The following SRRM3 variants were observed in gnomAD, a reference collection of about 807,000 sequenced individuals.
The protein encoded by SRRM3 is serine/arginine repetitive matrix 3.
A neutral mutation model predicts 66.2 loss-of-function variants in SRRM3; 27 were observed. The observed-to-expected ratio is 0.41, with a 90% confidence interval of 0.30 to 0.56. The LOEUF is 0.56. Ranked by LOEUF, SRRM3 falls within the 20% of genes least tolerant of loss-of-function variation. The pLI is 0.32. For synonymous variants in SRRM3, 391 were observed against 414.9 expected, an observed-to-expected ratio of 0.94 and a Z score of 0.70; for missense variants, 918 against 991.9, an observed-to-expected ratio of 0.93 and a Z score of 1.00.
chr7:76,282,802 C>T lies in SRRM3; in HGVS notation c.1525C>T (p.Arg509Cys), dbSNP rs1406940694. The change falls in exon 13 of 15, where the codon CGC (arginine) becomes TGC (cysteine). Residue 509 changes from arginine (R) to cysteine (C), a missense_variant. Physicochemically the swap from Arg to Cys is radical, Grantham distance 180 (BLOSUM62 -3). Coordinates refer to ENST00000611745, the MANE Select transcript of SRRM3 (RefSeq NM_001110199.3). The stretch of plus-strand genomic sequence containing the variant: ...CTCCAGCCGCTCGCCCTCCAAATCT[C>T]GCTCGCGCTCTGCGGAGAAGCGGCC... ...WSSSRSPSKS[R>C]SRSAEKRPHS... 2.0e-6 allele frequency: 3 copies of T among 1,465,996 alleles called. No homozygotes were observed. The highest frequency in any genetic ancestry group is 3.1e-5 in the East Asian group (1 of 32,734). 90.8% of individuals were successfully genotyped at this position (1,465,996 alleles called of 1,614,324 possible). A position where few individuals can be genotyped will look rare whatever the true frequency, so the allele number is the denominator to read the frequency against.
chr7:76,202,453 G>A (rs1800174136), intron 1 of SRRM3, among the ~76,000 whole-genome samples: 1 of 152,124 alleles, frequency 6.6e-6, no homozygotes, highest in East Asian at 1.9e-4. Flanking sequence ...CCTGGTGAAG[G>A]GAGCAGGCCC....
At chr7:76,261,270 C>G in intron 6 of SRRM3, 82 bp from the exon 7 acceptor site, 1 of 911,280 alleles carries the variant, frequency 1.1e-6, no homozygotes, top group Non-Finnish European at 1.7e-6. Flanking sequence ...TTCAATGTCC[C>G]AAGCACCCAG....
intron 1 of SRRM3, among the ~76,000 whole-genome samples, chr7:76,215,723 G>T (rs1164888677): frequency 6.7e-6 from 1 of 148,394 alleles, no homozygotes; most frequent in African/African-American, 2.5e-5. Flanking sequence ...TGCCTCCCAG[G>T]TTCAAATGTT....
At chr7:76,278,912 G>A (rs562549682) in intron 11 of SRRM3, among the ~76,000 whole-genome samples, 3 of 152,302 alleles carry the variant, frequency 2.0e-5, no homozygotes, top group African/African-American at 7.2e-5. Flanking sequence ...GTCCCTAGCG[G>A]CAAGGTGCCC....
At position 76,208,690 on chromosome 7, in the gene SRRM3, C is replaced by T. The variant is rs557365270; in HGVS notation, c.-40+6623C>T. Among the ~76,000 whole-genome samples the T allele has an allele frequency of 1.4e-4, 22 of 151,810 alleles. No individual in the cohort carries two copies. The South Asian group carries it at 4.2e-3, about 29-fold the overall frequency. On this transcript the variant is annotated intron_variant, in intron 1 of 14. Transcript: ENST00000611745. ...TCTCCACTAAAAATACAAAAATTAGCCAGGCCTGGTGGAGGGTGACTGTAA... is the reference window on the plus strand; with the variant it reads ...TCTCCACTAAAAATACAAAAATTAGTCAGGCCTGGTGGAGGGTGACTGTAA...
chr7:76,242,266 C>A (rs1801322638), intron 2 of SRRM3, among the ~76,000 whole-genome samples: 1 of 152,136 alleles, frequency 6.6e-6, no homozygotes, highest in Non-Finnish European at 1.5e-5. Context: ...GGGTGGATCA[C>A]CTGAGGTCGG....
chr7:76,281,729 G>A lies in SRRM3; in HGVS notation c.1297G>A (p.Gly433Ser), dbSNP rs1337850168. The A allele has an allele frequency of 3.3e-5, 43 of 1,302,164 alleles. No homozygotes were observed. Among genetic ancestry groups the A allele is most frequent in the Non-Finnish European group, 3.9e-5 (40 of 1,021,810 alleles). The allele number at this position is 1,302,164 out of a possible 1,614,324, so 80.7% of individuals were successfully genotyped here. A position where few individuals can be genotyped will look rare whatever the true frequency, so the allele number is the denominator to read the frequency against. Reference protein sequence around the residue: ...LSRARSSSDSGSGRGAPGPGP... With the variant: ...LSRARSSSDSSSGRGAPGPGP... ...CAGGGCCCGCTCCAGCAGCGACTCC[G>A]GCAGCGGCCGCGGCGCCCCCGGCCC... Residue 433 changes from glycine to serine, a missense_variant, in exon 12 of 15, where the codon GGC becomes AGC. Transcript: ENST00000611745.
chr7:76,277,746 G>GAAAGAAAGAAAA lies in SRRM3; in HGVS notation c.1009-3694_1009-3683dup, dbSNP rs139598176. The stretch of plus-strand genomic sequence containing the variant: ...AAAAAAAAAAAAAAAGAGAGAGAGA[G>GAAAGAAAGAAAA]AAAGAAAGAAAAGAAAAAGAAGAAG... On this transcript the variant is annotated intron_variant, in intron 11 of 14. Transcript: ENST00000611745. Among the ~76,000 whole-genome samples, 8 of 106,770 alleles carry GAAAGAAAGAAAA rather than the reference G, an allele frequency of 7.5e-5. 1 individual carries two copies. Among genetic ancestry groups the GAAAGAAAGAAAA allele is most frequent in the East Asian group, 2.2e-4 (1 of 4,478 alleles). The allele number at this position is 106,770 out of a possible 152,430, so 70.0% of individuals were successfully genotyped here. A position where few individuals can be genotyped will look rare whatever the true frequency, so the allele number is the denominator to read the frequency against.
chr7:76,251,153 C>T (rs1487383571), intron 3 of SRRM3, among the ~76,000 whole-genome samples: 3 of 152,102 alleles, frequency 2.0e-5, no homozygotes, highest in Admixed American at 6.5e-5. Context: ...GTCAGCCCGA[C>T]GCCCGTCCTC....
At chr7:76,246,489 G>A (rs1445868840) in intron 2 of SRRM3, among the ~76,000 whole-genome samples, 5 of 152,064 alleles carry the variant, frequency 3.3e-5, no homozygotes, top group Non-Finnish European at 1.5e-5. Context: ...ACTTGAACCC[G>A]GGAGGTGGAG....
Position 76,267,307 on chromosome 7 carries a change from T to C in SRRM3, c.880T>C (p.Ser294Pro), listed in dbSNP as rs572513604. 7 of 1,550,298 alleles carry C rather than the reference T, an allele frequency of 4.5e-6. No individual in the cohort carries two copies. In the African/African-American group the frequency reaches 8.7e-5, roughly 19 times the overall value. Residue 294 changes from serine (S) to proline (P), a missense_variant, in exon 11 of 15, where the codon TCC becomes CCC. Transcript: ENST00000611745. ...AGGGCGAAAGACGGGCAGCCAGCGG[T>C]CCAGCGGAAGCCGGTCGCCTTCCCC... is the stretch of plus-strand genomic sequence containing the variant. ...DEGRKTGSQR[S>P]SGSRSPSPSG...
chr7:76,263,826 T>C (rs533240975), intron 8 of SRRM3, among the ~76,000 whole-genome samples: 24 of 139,990 alleles, frequency 1.7e-4, no homozygotes, highest in African/African-American at 5.2e-4. Flanking sequence ...TGAGCTGAGA[T>C]TGTGCCACTG....
chr7:76,233,616 A>G (rs559576897), intron 1 of SRRM3, among the ~76,000 whole-genome samples: 6 of 152,170 alleles, frequency 3.9e-5, no homozygotes, highest in Admixed American at 3.9e-4. Context: ...GGAGTGGAAA[A>G]GAGGGGTTAG....
rs782640262 is a variant in SRRM3, at chr7:76,260,047, C to G, written c.464+13C>G. On this transcript the variant is annotated intron_variant, in intron 4 of 14. Coordinates refer to ENST00000611745, the MANE Select transcript of SRRM3 (RefSeq NM_001110199.3). ...ACCGCGGGTACAGGTCAGCGGCCGCCGCGGCGGGGGTGGGGGGCGCGCGGG... is the reference window on the plus strand; with the variant it reads ...ACCGCGGGTACAGGTCAGCGGCCGCGGCGGCGGGGGTGGGGGGCGCGCGGG... 3.3e-6 allele frequency: 5 copies of G among 1,510,562 alleles called. No individual in the cohort carries two copies. Among genetic ancestry groups the G allele is most frequent in the Non-Finnish European group, 4.4e-6 (5 of 1,136,522 alleles). 93.6% of individuals were successfully genotyped at this position (1,510,562 alleles called of 1,614,324 possible).
At chr7:76,251,762 C>A (rs1448278116) in intron 3 of SRRM3, among the ~76,000 whole-genome samples, 1 of 151,852 alleles carries the variant, frequency 6.6e-6, no homozygotes, top group East Asian at 1.9e-4. Context: ...AGACCCCCAT[C>A]TCTATTTAAA....
At chr7:76,241,892 A>G (rs1160896169) in intron 2 of SRRM3, among the ~76,000 whole-genome samples, 1 of 152,214 alleles carries the variant, frequency 6.6e-6, no homozygotes, top group Non-Finnish European at 1.5e-5. Flanking sequence ...CCCACTTTGC[A>G]TTGCTCTAAA....
intron 8 of SRRM3, among the ~76,000 whole-genome samples, chr7:76,262,167 G>A (rs890915209): frequency 2.6e-5 from 4 of 152,068 alleles, no homozygotes; most frequent in Admixed American, 2.0e-4. Context: ...CAGGAGTCCA[G>A]GTGGAGGCAG....
At chr7:76,223,109 A>G (rs1213589730) in intron 1 of SRRM3, among the ~76,000 whole-genome samples, 1 of 152,110 alleles carries the variant, frequency 6.6e-6, no homozygotes, top group East Asian at 1.9e-4. Context: ...TCTGCCATGC[A>G]TCCATCATCC....
chr7:76,246,882 A>G (rs1313085463), intron 2 of SRRM3, among the ~76,000 whole-genome samples: 2 of 152,190 alleles, frequency 1.3e-5, no homozygotes, highest in Non-Finnish European at 1.5e-5. Context: ...GGCACCTCCC[A>G]TTTCCCAGCT....
Sources: gnomAD v4.1 joint callset for allele counts (sites outside exome capture counted in the v4.1 genomes callset) on GRCh38, gnomAD v4.1.1 for gene constraint, MANE v1.5 for transcripts, NCBI Gene and HGNC (gene_info 2026-07-23, HGNC 2026-07-21) for gene names.